Variants in MGRN1 observed in about 807,000 individuals in gnomAD.
MGRN1 encodes mahogunin ring finger 1.
Under a neutral mutation model 69.2 loss-of-function variants are expected in MGRN1, and 29 were observed. The ratio of observed to expected loss-of-function variants is 0.42; its 90% CI spans 0.31 to 0.57. The LOEUF is 0.57. MGRN1 is among the 20% of genes least tolerant of loss of function. The probability of loss-of-function intolerance (pLI) is 0.15; values close to 1 mark genes in which losing one functional copy is unlikely to be tolerated. For missense variants in MGRN1, 998 were observed against 796.2 expected (o/e 1.25, Z -3.05); for synonymous variants, 470 against 344.2 (o/e 1.37, Z -4.04).
At chr16:4,643,687 T>C (rs1596270550) in intron 1 of MGRN1, among the ~76,000 whole-genome samples, 1 of 152,182 alleles carries the variant, frequency 6.6e-6, no homozygotes, top group Non-Finnish European at 1.5e-5. Context: ...CTTGTATTGA[T>C]CATATTGTGT....
At position 4,680,314 on chromosome 16, in the gene MGRN1, C is replaced by A. The variant is rs2079151816; in HGVS notation, c.1131+217C>A. 5.5e-6 allele frequency: 3 copies of A among 547,900 alleles called. No individual in the cohort carries two copies. In the Admixed American group the frequency reaches 1.0e-4, roughly 19 times the overall value. 33.9% of individuals were successfully genotyped at this position (547,900 alleles called of 1,614,324 possible). ...ACGCCAGGTGCGCTGGCCCCGCCGC[C>A]CTCCCCTCAGCTTTGCCTCCGCCCC... On this transcript the variant is annotated intron_variant, in intron 12 of 16. Transcript: ENST00000262370.
intron 11 of MGRN1, among the ~76,000 whole-genome samples, chr16:4,677,813 C>T (rs1056274894): frequency 8.6e-5 from 12 of 139,516 alleles, no homozygotes; most frequent in African/African-American, 2.4e-4. Context: ...TGAGCGCGGT[C>T]GAGGTCTCGG....
At chr16:4,631,100 G>T (rs1297708623) in intron 1 of MGRN1, among the ~76,000 whole-genome samples, 3 of 152,132 alleles carry the variant, frequency 2.0e-5, no homozygotes, top group Non-Finnish European at 4.4e-5. Flanking sequence ...GGGATTACAG[G>T]TGTGAGCCGC....
intron 1 of MGRN1, chr16:4,635,085 G>C (rs1430168401): frequency 1.3e-5 from 2 of 149,922 alleles, no homozygotes; most frequent in East Asian, 3.8e-4. Flanking sequence ...GAAAAAGTGT[G>C]TGTGTACATA....
rs556955597 is a variant in MGRN1, at chr16:4,683,896, T to C, written c.1582T>C (p.Cys528Arg). Residue 528 changes from cysteine (C) to arginine (R), a missense_variant, in exon 16 of 17, where the codon TGT becomes CGT. Cys to Arg is a radical substitution (Grantham distance 180). Transcript: ENST00000262370. The stretch of plus-strand genomic sequence containing the variant: ...CCTGCAGGACAGCAGCCCCGAGCAC[T>C]GTGGCCGAGGCCCACCTGCTGACAT... ...NVLQDSSPEH[C>R]GRGPPADIYL... The C allele has an allele frequency of 4.0e-6, 6 of 1,486,230 alleles. No individual in the cohort carries two copies. In the Admixed American group the frequency reaches 5.4e-5, roughly 13 times the overall value. The allele number at this position is 1,486,230 out of a possible 1,614,324, so 92.1% of individuals were successfully genotyped here. A position where few individuals can be genotyped will look rare whatever the true frequency, so the allele number is the denominator to read the frequency against.
At chr16:4,641,085 A>C (rs987259392) in intron 1 of MGRN1, among the ~76,000 whole-genome samples, 2 of 152,144 alleles carry the variant, frequency 1.3e-5, no homozygotes, top group Non-Finnish European at 2.9e-5. Context: ...TCCCACTCAC[A>C]GTCTCCTTTT....
At chr16:4,640,380 A>G (rs939525051) in intron 1 of MGRN1, 1 of 152,326 alleles carries the variant, frequency 6.6e-6, no homozygotes, top group East Asian at 1.9e-4. Context: ...TGTTCGGGGA[A>G]TGCCTCGAGG....
intron 8 of MGRN1, 46 bp downstream of exon 8, chr16:4,668,358 C>T (rs780379982): frequency 6.3e-7 from 1 of 1,593,696 alleles, no homozygotes; most frequent in African/African-American, 1.3e-5. Flanking sequence ...AAAAGACACA[C>T]ATATACAATC....
chr16:4,671,571 C>A (rs920326411), intron 9 of MGRN1, 112 bp downstream of exon 9: 2 of 921,224 alleles, frequency 2.2e-6, no homozygotes, highest in East Asian at 2.4e-5. Flanking sequence ...GAGTCCTAGA[C>A]CCGCTAGACA....
Position 4,681,746 on chromosome 16 carries a change from A to C in MGRN1, c.1328A>C (p.Lys443Thr), listed in dbSNP as rs1255026517. 8.1e-6 allele frequency: 13 copies of C among 1,612,538 alleles called. No individual in the cohort carries two copies. The highest frequency in any genetic ancestry group is 1.1e-5 in the Non-Finnish European group (13 of 1,179,752). ...IDHILDSSRQKGRPQSKAPDS... is the reference protein window; with the variant it reads ...IDHILDSSRQTGRPQSKAPDS... ...CACATCCTGGACAGCAGCCGCCAGA[A>C]GGGCAGGCCGCAGAGCAAGGCCCCC... Residue 443 changes from lysine (K) to threonine (T), a missense_variant, in exon 13 of 17, where the codon AAG (lysine) becomes ACG (threonine). Lys to Thr is a moderately conservative substitution (Grantham distance 78). Transcript: ENST00000262370.
At chr16:4,652,391 A>G (rs145274532) in intron 3 of MGRN1, among the ~76,000 whole-genome samples, 1 of 152,072 alleles carries the variant, frequency 6.6e-6, no homozygotes, top group South Asian at 2.1e-4. Flanking sequence ...ACCCAGCACC[A>G]GATTTCAGCA....
chr16:4,653,042 C>T (rs373812691), intron 4 of MGRN1, among the ~76,000 whole-genome samples: 12 of 152,344 alleles, frequency 7.9e-5, no homozygotes, highest in East Asian at 5.8e-4. Flanking sequence ...TCAGTTCCAA[C>T]GCTGCCTGGA....
chr16:4,626,420 G>C (rs541098293), intron 1 of MGRN1, among the ~76,000 whole-genome samples: 1 of 152,294 alleles, frequency 6.6e-6, no homozygotes, highest in South Asian at 2.1e-4. Flanking sequence ...CTTCCAGCCT[G>C]CCTCTGGCTG....
At chr16:4,636,302 T>G (rs1249313108) in intron 1 of MGRN1, among the ~76,000 whole-genome samples, 3 of 151,858 alleles carry the variant, frequency 2.0e-5, no homozygotes, top group African/African-American at 7.3e-5. Flanking sequence ...TGCTTGGGTT[T>G]GAGCTTGAAA....
intron 10 of MGRN1, chr16:4,677,230 C>T (rs969041428): frequency 9.9e-6 from 4 of 405,320 alleles, no homozygotes; most frequent in South Asian, 7.2e-5. Flanking sequence ...AGCGCCCCCT[C>T]CCTCTATTTC....
rs201088254 is a variant in MGRN1, at chr16:4,652,766, C to T, written c.385C>T (p.Arg129Cys). 1,414 of 1,612,072 alleles carry T rather than the reference C, an allele frequency of 8.8e-4. 3 individuals carry two copies. Among genetic ancestry groups the T allele is most frequent in the Non-Finnish European group, 1.1e-3 (1,336 of 1,179,164 alleles). Reference sequence around the variant, plus strand: ...GGAGTTCACCTTCGACGCCGATGCCCGCGTGGCCATCACCATCTACTGCCA... The same window carrying T: ...GGAGTTCACCTTCGACGCCGATGCCTGCGTGGCCATCACCATCTACTGCCA... ...SLEFTFDADA[R>C]VAITIYCQAS... Residue 129 changes from arginine to cysteine, a missense_variant, in exon 4 of 17, where the codon CGC (arginine) becomes TGC (cysteine). Arg to Cys is a radical substitution (Grantham distance 180, BLOSUM62 -3). Coordinates refer to ENST00000262370, the MANE Select transcript of MGRN1 (RefSeq NM_015246.4).
At chr16:4,642,501 T>TGTGTGTGTGTGTGTGTGTGTG (rs1377829789) in intron 1 of MGRN1, among the ~76,000 whole-genome samples, 1 of 151,076 alleles carries the variant, frequency 6.6e-6, no homozygotes, top group African/African-American at 2.4e-5. Flanking sequence ...TGTGTGTGTG[T>TGTGTGTGTGTGTGTGTGTGTG]TTTTAGTAGA....
chr16:4,685,096 GAAC>G (rs942438866), intron 16 of MGRN1, among the ~76,000 whole-genome samples: 4 of 152,262 alleles, frequency 2.6e-5, no homozygotes, highest in African/African-American at 9.6e-5. Context: ...GGCCTGCCCC[GAAC>G]AACTCACAGC....
intron 13 of MGRN1, among the ~76,000 whole-genome samples, chr16:4,682,172 C>T (rs533333426): frequency 6.6e-6 from 1 of 152,284 alleles, no homozygotes; most frequent in Non-Finnish European, 1.5e-5. Context: ...CCAGGGCAGC[C>T]GAAACTCAGG....
Sources: gnomAD v4.1 joint callset for allele counts (sites outside exome capture counted in the v4.1 genomes callset) on GRCh38, gnomAD v4.1.1 for gene constraint, MANE v1.5 for transcripts, NCBI Gene and HGNC (gene_info 2026-07-23, HGNC 2026-07-21) for gene names.